PLN: variants seen among roughly 807,000 people sequenced by gnomAD.
PLN encodes cardiac phospholamban.
PLN carries 1 observed loss-of-function variant against 3.9 expected under a neutral mutation model. The ratio of observed to expected loss-of-function variants is 0.26; its 90% confidence interval spans 0.09 to 1.23. The LOEUF (loss-of-function observed/expected upper bound fraction) is 1.23, where lower values mean the gene tolerates loss of function less well. Among genes scored for constraint, PLN ranks in the 50% most tolerant of loss-of-function variants. The pLI is 0.48. For synonymous variants in PLN, 21 were observed against 20.5 expected, an observed-to-expected ratio of 1.02 and a Z score of -0.07; for missense variants, 59 against 62.7, an observed-to-expected ratio of 0.94 and a Z score of 0.20.
At chr6:118,554,039 G>A (rs1301197912) in intron 1 of PLN, among the ~76,000 whole-genome samples, 5 of 152,110 alleles carry the variant, frequency 3.3e-5, no homozygotes, top group African/African-American at 1.2e-4. Context: ...GGCCAGGCAT[G>A]GTCATTCACA....
chr6:118,559,250 C>A lies in PLN; in HGVS notation c.*170C>A, dbSNP rs1583048489. ...ACTTATTGTTACCATATGTATTCAT[C>A]TGTTGGATCTTGTAAACATGAAAAG... On this transcript the variant is annotated 3_prime_UTR_variant, in exon 2 of 2. Transcript: ENST00000357525. The A allele has an allele frequency of 1.5e-6, 1 of 668,502 alleles. No homozygotes were observed. The highest frequency in any genetic ancestry group is 2.7e-5 in the East Asian group (1 of 37,698). The allele number at this position is 668,502 out of a possible 1,614,324, so 41.4% of individuals were successfully genotyped here.
chr6:118,549,851 A>G (rs1036287055), intron 1 of PLN, among the ~76,000 whole-genome samples: 6 of 151,900 alleles, frequency 3.9e-5, no homozygotes, highest in African/African-American at 1.4e-4. Context: ...GATAGAGCAG[A>G]AATTATATTA....
intron 1 of PLN, among the ~76,000 whole-genome samples, chr6:118,552,386 A>C (rs1386005558): frequency 6.6e-6 from 1 of 152,034 alleles, no homozygotes; most frequent in Non-Finnish European, 1.5e-5. Context: ...TTAAAGTATC[A>C]ATTGTCTAGC....
intron 1 of PLN, among the ~76,000 whole-genome samples, chr6:118,554,290 T>C (rs1039996839): frequency 2.6e-5 from 4 of 151,968 alleles, no homozygotes; most frequent in African/African-American, 7.3e-5. Flanking sequence ...CTGTCAGTCA[T>C]TCATTCATCC....
At chr6:118,557,811 G>T (rs1203015610) in intron 1 of PLN, among the ~76,000 whole-genome samples, 1 of 152,174 alleles carries the variant, frequency 6.6e-6, no homozygotes, top group Non-Finnish European at 1.5e-5. Context: ...AGCACTCAGA[G>T]ATCCCACCGT....
chr6:118,558,900 G>A lies in PLN; in HGVS notation c.-22G>A, dbSNP rs1583047374. On this transcript the variant is annotated 5_prime_UTR_variant, in exon 2 of 2. Transcript: ENST00000357525. ...TTTCTCTCGACCACTTAAAACTTCA[G>A]ACTTCCTGTCCTGCTGGTATCATGG... is the stretch of plus-strand genomic sequence containing the variant. 3 of 1,609,816 alleles carry A rather than the reference G, an allele frequency of 1.9e-6. No individual in the cohort carries two copies. Among genetic ancestry groups the A allele is most frequent in the African/African-American group, 1.3e-5 (1 of 74,798 alleles).
At chr6:118,554,828 T>TAGA (rs746594236) in intron 1 of PLN, among the ~76,000 whole-genome samples, 4 of 152,114 alleles carry the variant, frequency 2.6e-5, no homozygotes, top group African/African-American at 4.8e-5. Flanking sequence ...CAGGCAGAGA[T>TAGA]AGAACAACAT....
In PLN at chr6:118,560,239, C is replaced by T. The variant is rs1779143730; in HGVS notation, c.*1159C>T. 1 of 166,984 alleles carries T rather than the reference C, an allele frequency of 6.0e-6. No homozygotes were observed. The highest frequency in any genetic ancestry group is 1.5e-5 in the Non-Finnish European group (1 of 68,096). The allele number at this position is 166,984 out of a possible 1,614,324, so 10.3% of individuals were successfully genotyped here. A position where few individuals can be genotyped will look rare whatever the true frequency, so the allele number is the denominator to read the frequency against. ...TCGTGGGTCCGCAAAATCTTAACTA[C>T]CTAATAGCCTACTATTGACCATAAA... On this transcript the variant is annotated 3_prime_UTR_variant, in exon 2 of 2. Transcript: ENST00000357525.
Position 118,560,836 on chromosome 6 carries a change from G to A in PLN, c.*1756G>A, listed in dbSNP as rs890678760. ...TATTCACCAAACTTTGGTAATTTAAGTTGACTAAAGTTTAAAATTAAGTCT... is the reference window on the plus strand; with the variant it reads ...TATTCACCAAACTTTGGTAATTTAAATTGACTAAAGTTTAAAATTAAGTCT... On this transcript the variant is annotated 3_prime_UTR_variant, in exon 2 of 2. Transcript: ENST00000357525. 1.3e-5 allele frequency: 2 copies of A among 152,866 alleles called. No individual in the cohort carries two copies. The highest frequency in any genetic ancestry group is 1.3e-4 in the Admixed American group (2 of 15,258). The allele number at this position is 152,866 out of a possible 1,614,324, so 9.5% of individuals were successfully genotyped here.
chr6:118,550,155 G>T (rs1562251289), intron 1 of PLN, among the ~76,000 whole-genome samples: 1 of 151,840 alleles, frequency 6.6e-6, no homozygotes, highest in Non-Finnish European at 1.5e-5. Flanking sequence ...TTACTAAAAG[G>T]CGTGACAGCA....
chr6:118,553,237 ACT>A (rs750739024), intron 1 of PLN, among the ~76,000 whole-genome samples: 1 of 149,450 alleles, frequency 6.7e-6, no homozygotes, highest in Admixed American at 6.6e-5. Context: ...AAAAAAGGAA[ACT>A]CATACAGTGG....
At chr6:118,555,024 C>T (rs969776720) in intron 1 of PLN, among the ~76,000 whole-genome samples, 1 of 152,134 alleles carries the variant, frequency 6.6e-6, no homozygotes, top group African/African-American at 2.4e-5. Context: ...AAATTTCTGA[C>T]CTTTTAAGAC....
intron 1 of PLN, among the ~76,000 whole-genome samples, 175 bp from the exon 2 acceptor site, chr6:118,558,650 C>G (rs1410626858): frequency 3.5e-4 from 48 of 136,730 alleles, no homozygotes; most frequent in African/African-American, 1.4e-3. Flanking sequence ...CACACACACA[C>G]ACACACACAC....
At chr6:118,554,156 C>T (rs754266098) in intron 1 of PLN, among the ~76,000 whole-genome samples, 1 of 152,018 alleles carries the variant, frequency 6.6e-6, no homozygotes, top group Non-Finnish European at 1.5e-5. Flanking sequence ...GGCATGGTGG[C>T]GCACACCTGT....
intron 1 of PLN, among the ~76,000 whole-genome samples, chr6:118,554,315 TTAA>T (rs1778723539): frequency 6.6e-6 from 1 of 151,958 alleles, no homozygotes; most frequent in South Asian, 2.1e-4. Context: ...ATAAAAACAA[TTAA>T]TTAATTAAAA....
chr6:118,554,891 T>C (rs1489344616), intron 1 of PLN, among the ~76,000 whole-genome samples: 2 of 152,200 alleles, frequency 1.3e-5, no homozygotes, highest in East Asian at 3.8e-4. Context: ...AAAGGTGACA[T>C]GTTTCATGTG....
intron 1 of PLN, among the ~76,000 whole-genome samples, chr6:118,557,620 T>C (rs2114961105): frequency 6.6e-6 from 1 of 152,294 alleles, no homozygotes; most frequent in Admixed American, 6.5e-5. Context: ...AGTGGCCTCC[T>C]ATCCAAGGTG....
intron 1 of PLN, among the ~76,000 whole-genome samples, chr6:118,553,215 T>TAAAAAAAAAAAAAAAAAAAAAAAAAAA (rs59502810): frequency 7.2e-6 from 1 of 138,942 alleles, no homozygotes; most frequent in African/African-American, 2.6e-5. Flanking sequence ...GTTAAGAAAT[T>TAAAAAAAAAAAAAAAAAAAAAAAAAAA]AAAAAAAAAA....
rs934882835 is a variant in PLN at position 118,553,288 on chromosome 6, C to T, written c.-98+4896C>T. On this transcript the variant is annotated intron_variant, in intron 1 of 1. Transcript: ENST00000357525. Reference sequence around the variant, plus strand: ...GAAGAGAATGATAAACATCTGACAACCATGCCATAAATTATAATGTAGTAA... The same window carrying T: ...GAAGAGAATGATAAACATCTGACAATCATGCCATAAATTATAATGTAGTAA... 1.1e-4 allele frequency among the ~76,000 whole-genome samples: 16 copies of T among 149,630 alleles called. 1 individual carries two copies. The highest frequency in any genetic ancestry group is 8.4e-4 in the South Asian group (4 of 4,738).
Sources: gnomAD v4.1 joint callset for allele counts (sites outside exome capture counted in the v4.1 genomes callset) on GRCh38, gnomAD v4.1.1 for gene constraint, MANE v1.5 for transcripts, NCBI Gene and HGNC (gene_info 2026-07-23, HGNC 2026-07-21) for gene names.